The following SUPT3H variants were observed in gnomAD, a reference collection of about 807,000 sequenced individuals.
SUPT3H encodes SPT3 homolog, SAGA and STAGA complex component, also known as transcription initiation protein SPT3 homolog.
Under a neutral mutation model 44.3 loss-of-function variants are expected in SUPT3H, and 44 were observed. The ratio of observed to expected loss-of-function variants is 0.99; its 90% CI spans 0.78 to 1.28. The LOEUF (loss-of-function observed/expected upper bound fraction) is 1.28, where lower values mean the gene tolerates loss of function less well. Among genes scored for constraint, SUPT3H ranks in the 50% most tolerant of loss-of-function variants. The pLI is 0.00. For missense variants in SUPT3H, 380 were observed against 387.1 expected (o/e 0.98, Z 0.15); for synonymous variants, 124 against 125.6 (o/e 0.99, Z 0.09).
chr6:45,214,015 C>CAA (rs11418358), intron 2 of SUPT3H, among the ~76,000 whole-genome samples: 34,249 of 74,054 alleles, frequency 0.46, 9,012 homozygotes, highest in African/African-American at 0.55. Flanking sequence ...TTTTGAAATG[C>CAA]AAAAAAAAAA....
At chr6:45,263,822 C>T (rs1307478599) in intron 2 of SUPT3H, among the ~76,000 whole-genome samples, 1 of 152,102 alleles carries the variant, frequency 6.6e-6, no homozygotes, top group Non-Finnish European at 1.5e-5. Context: ...AAAATCGTAA[C>T]CATCACACAA....
intron 6 of SUPT3H, among the ~76,000 whole-genome samples, chr6:44,991,517 A>G (rs1178890435): frequency 6.6e-6 from 1 of 151,658 alleles, no homozygotes; most frequent in South Asian, 2.1e-4. Context: ...CTTTTTATTT[A>G]TTTATTTATT....
At chr6:45,041,447 G>A (rs1004466342) in intron 3 of SUPT3H, among the ~76,000 whole-genome samples, 1 of 152,118 alleles carries the variant, frequency 6.6e-6, no homozygotes, top group Non-Finnish European at 1.5e-5. Flanking sequence ...AAATAACTTG[G>A]TCTATATGAG....
chr6:44,816,300 G>C (rs371713069), intron 11 of SUPT3H, among the ~76,000 whole-genome samples: 256 of 152,248 alleles, frequency 1.7e-3, no homozygotes, highest in African/African-American at 5.8e-3. Flanking sequence ...TGTCACTACA[G>C]ATCCTACAGA....
chr6:45,013,468 A>C (rs1293523336), intron 5 of SUPT3H, among the ~76,000 whole-genome samples: 1 of 152,044 alleles, frequency 6.6e-6, no homozygotes, highest in East Asian at 1.9e-4. Context: ...CTGAGGGTGG[A>C]CCTGCAATTA....
chr6:45,325,666 C>A (rs1584921126), intron 2 of SUPT3H, among the ~76,000 whole-genome samples: 1 of 151,658 alleles, frequency 6.6e-6, no homozygotes, highest in East Asian at 1.9e-4. Context: ...AAAAATAAAT[C>A]TGTGGTTTTC....
In SUPT3H at chr6:45,062,983, T is replaced by C. The variant is rs553626763; in HGVS notation, c.187-42351A>G. Among the ~76,000 whole-genome samples the C allele has an allele frequency of 1.3e-3, 201 of 151,708 alleles. 1 individual carries two copies. Among genetic ancestry groups the C allele is most frequent in the South Asian group, 2.9e-3 (14 of 4,812 alleles). Reference sequence around the variant, plus strand: ...CACAGCTCAAGGAGACCTGCCTGCCTCTGTAGGCTCCACCTCTGGGGGCAG... The same window carrying C: ...CACAGCTCAAGGAGACCTGCCTGCCCCTGTAGGCTCCACCTCTGGGGGCAG... On this transcript the variant is annotated intron_variant, in intron 3 of 10. Coordinates refer to ENST00000371459, the MANE Select transcript of SUPT3H (RefSeq NM_003599.4).
intron 2 of SUPT3H, among the ~76,000 whole-genome samples, chr6:45,213,524 T>C (rs1251620477): frequency 6.6e-6 from 1 of 152,130 alleles, no homozygotes; most frequent in Non-Finnish European, 1.5e-5. Context: ...ATAAATACTG[T>C]GTTGTAATAT....
chr6:44,900,446 AAAC>A, intron 10 of SUPT3H, among the ~76,000 whole-genome samples: 1 of 152,352 alleles, frequency 6.6e-6, no homozygotes, highest in East Asian at 1.9e-4. Flanking sequence ...GTCTGAGATC[AAAC>A]CGCAAGGCGG....
At chr6:45,011,637 C>A (rs1429667503) in intron 5 of SUPT3H, among the ~76,000 whole-genome samples, 4 of 151,974 alleles carry the variant, frequency 2.6e-5, no homozygotes, top group Non-Finnish European at 5.9e-5. Context: ...TATATAGCTG[C>A]TTTATAAATC....
chr6:44,997,630 T>G (rs1267259078), intron 6 of SUPT3H, among the ~76,000 whole-genome samples: 1 of 151,872 alleles, frequency 6.6e-6, no homozygotes, highest in East Asian at 1.9e-4. Flanking sequence ...ATGATAAATT[T>G]TTGTCTCCTG....
rs1290910069 is a variant in SUPT3H, at chr6:45,003,873, T to C, written c.365-81A>G. Reference sequence around the variant, plus strand: ...CACTAATTATTACATGTATTAAATATAGTATACCAAATTCAGAATTGGGAT... The same window carrying C: ...CACTAATTATTACATGTATTAAATACAGTATACCAAATTCAGAATTGGGAT... On this transcript the variant is annotated intron_variant, in intron 5 of 10. Transcript: ENST00000371459. The C allele has an allele frequency of 1.2e-5, 17 of 1,427,664 alleles. 1 individual carries two copies. The South Asian group carries it at 1.6e-4, about 14-fold the overall frequency. The allele number at this position is 1,427,664 out of a possible 1,614,324, so 88.4% of individuals were successfully genotyped here. A position where few individuals can be genotyped will look rare whatever the true frequency, so the allele number is the denominator to read the frequency against.
At chr6:45,011,471 C>T (rs1187957343) in intron 5 of SUPT3H, among the ~76,000 whole-genome samples, 1 of 151,980 alleles carries the variant, frequency 6.6e-6, no homozygotes, top group African/African-American at 2.4e-5. Flanking sequence ...TTTGCCACTT[C>T]TGGTTCTTTT....
At chr6:44,921,127 AAT>A (rs1418696821) in intron 10 of SUPT3H, among the ~76,000 whole-genome samples, 1 of 152,130 alleles carries the variant, frequency 6.6e-6, no homozygotes, top group East Asian at 1.9e-4. Context: ...CCTCCCTCCC[AAT>A]ATATTTCTAA....
chr6:45,158,298 A>ATATATATATATATATATATAATT, intron 2 of SUPT3H, among the ~76,000 whole-genome samples: 1 of 99,692 alleles, frequency 1.0e-5, no homozygotes, highest in Non-Finnish European at 1.7e-5. Context: ...ATATATATAT[A>ATATATATATATATATATATAATT]TTTTTTTTTT....
At chr6:45,245,494 A>G (rs1338717776) in intron 2 of SUPT3H, among the ~76,000 whole-genome samples, 2 of 152,088 alleles carry the variant, frequency 1.3e-5, no homozygotes, top group Admixed American at 1.3e-4. Context: ...GTCACTATGA[A>G]TTTGACCATT....
chr6:45,060,716 T>C (rs1791863902), intron 3 of SUPT3H, among the ~76,000 whole-genome samples: 1 of 151,884 alleles, frequency 6.6e-6, no homozygotes, highest in African/African-American at 2.4e-5. Flanking sequence ...AGGTCTAATA[T>C]CCAGAGTCTA....
chr6:44,932,263 G>A (rs1433018223), intron 10 of SUPT3H, among the ~76,000 whole-genome samples: 2 of 152,104 alleles, frequency 1.3e-5, no homozygotes, highest in Non-Finnish European at 2.9e-5. Flanking sequence ...CCAACTAAAA[G>A]CATGTTTAGG....
intron 3 of SUPT3H, among the ~76,000 whole-genome samples, chr6:45,039,672 T>C (rs781479989): frequency 2.0e-5 from 3 of 151,832 alleles, no homozygotes; most frequent in Non-Finnish European, 4.4e-5. Flanking sequence ...CCCAGCTACT[T>C]GGGAGGCTAA....
Sources: allele counts gnomAD v4.1 joint callset (sites outside exome capture counted in the v4.1 genomes callset), GRCh38; gene constraint gnomAD v4.1.1; transcripts MANE v1.5; gene names NCBI Gene and HGNC (gene_info 2026-07-23, HGNC 2026-07-21).